Variants in SSBP2 observed in about 807,000 individuals in gnomAD.
SSBP2 encodes the protein single stranded DNA binding protein 2.
A neutral mutation model predicts 61.8 loss-of-function variants in SSBP2; 17 were observed. The observed-to-expected ratio is 0.28, with a 90% CI of 0.19 to 0.41. The LOEUF (loss-of-function observed/expected upper bound fraction) is 0.41, where lower values mean the gene tolerates loss of function less well. Among genes scored for constraint, SSBP2 ranks in the 10% least tolerant of loss-of-function variants. The pLI is 1.00. For missense variants in SSBP2, 310 were observed against 458.7 expected (o/e 0.68, Z 2.96); for synonymous variants, 139 against 141.3 (o/e 0.98, Z 0.12).
Position 81,516,795 on chromosome 5 carries a change from A to G in SSBP2, c.283-3078T>C, listed in dbSNP as rs188871617. Among the ~76,000 whole-genome samples, 5 of 141,164 alleles carry G rather than the reference A, an allele frequency of 3.5e-5. No individual in the cohort carries two copies. In the East Asian group the frequency reaches 9.7e-4, roughly 27 times the overall value. 92.6% of individuals were successfully genotyped at this position (141,164 alleles called of 152,430 possible). A position where few individuals can be genotyped will look rare whatever the true frequency, so the allele number is the denominator to read the frequency against. On this transcript the variant is annotated intron_variant, in intron 4 of 16. Transcript: ENST00000320672. ...CAAGCTTTGAAACTGTAAGGTAAAT[A>G]AGAAGTTTTTGGAATTAGAAATTTA...
chr5:81,712,907 T>G (rs1343064406), intron 1 of SSBP2, among the ~76,000 whole-genome samples: 1 of 151,752 alleles, frequency 6.6e-6, no homozygotes, highest in East Asian at 1.9e-4. Flanking sequence ...TTGTATTTTT[T>G]TGTAGAGACG....
In SSBP2 at chr5:81,420,468, C is replaced by G. The variant is rs374398821; in HGVS notation, c.*36G>C. The G allele has an allele frequency of 6.2e-7, 1 of 1,603,230 alleles. No homozygotes were observed. The highest frequency in any genetic ancestry group is 8.5e-7 in the Non-Finnish European group (1 of 1,170,300). The stretch of plus-strand genomic sequence containing the variant: ...CCGTAGTAGTTCTGTGAAGGGCTGA[C>G]TCACTGTGGTTTTCATGAGGAGACT... On this transcript the variant is annotated 3_prime_UTR_variant, in exon 17 of 17. Transcript: ENST00000320672.
In SSBP2 at chr5:81,501,268, T is replaced by TACACAC. The variant is rs34805388; in HGVS notation, c.373-11965_373-11960dup. On this transcript the variant is annotated intron_variant, in intron 5 of 16. Coordinates refer to ENST00000320672, the MANE Select transcript of SSBP2 (RefSeq NM_012446.5). ...ATATATATATATATATATATATATA[T>TACACAC]ACACACACACACACATGCACATACA... 1.9e-3 allele frequency among the ~76,000 whole-genome samples: 68 copies of TACACAC among 35,760 alleles called. 3 individuals carry two copies. Among genetic ancestry groups the TACACAC allele is most frequent in the East Asian group, 6.4e-3 (10 of 1,572 alleles). The allele number at this position is 35,760 out of a possible 152,430, so 23.5% of individuals were successfully genotyped here.
In SSBP2 at chr5:81,458,017, TA is replaced by T. The variant is rs573787269; in HGVS notation, c.687+3037del. 1.1e-4 allele frequency among the ~76,000 whole-genome samples: 16 copies of T among 152,244 alleles called. No individual in the cohort carries two copies. The South Asian group carries it at 3.3e-3, about 32-fold the overall frequency. On this transcript the variant is annotated intron_variant, in intron 10 of 16. Transcript: ENST00000320672. The stretch of plus-strand genomic sequence containing the variant: ...CTGACAAATATATATAACCTAAATC[TA>T]ATCAGAAGGAAATAGATAAAACCAA...
At chr5:81,593,461 C>T (rs1743342704) in intron 4 of SSBP2, among the ~76,000 whole-genome samples, 1 of 152,068 alleles carries the variant, frequency 6.6e-6, no homozygotes, top group South Asian at 2.1e-4. Flanking sequence ...CCAAGGCAGG[C>T]CAACATTCAA....
At chr5:81,463,981 C>A (rs1179932318) in intron 9 of SSBP2, among the ~76,000 whole-genome samples, 1 of 151,944 alleles carries the variant, frequency 6.6e-6, no homozygotes, top group Admixed American at 6.6e-5. Flanking sequence ...GTTGCCCAGG[C>A]TGGTCTCAAA....
intron 4 of SSBP2, among the ~76,000 whole-genome samples, chr5:81,598,461 A>G (rs957926238): frequency 6.6e-6 from 1 of 152,220 alleles, no homozygotes; most frequent in Non-Finnish European, 1.5e-5. Context: ...CTGTCTGAAT[A>G]TCTGGACCAA....
chr5:81,552,630 T>C (rs1261785088), intron 4 of SSBP2, among the ~76,000 whole-genome samples: 1 of 140,098 alleles, frequency 7.1e-6, no homozygotes, highest in African/African-American at 2.7e-5. Flanking sequence ...AGAGCAAGAC[T>C]ATGTCTCTTA....
chr5:81,475,249 A>G (rs1265996219), intron 6 of SSBP2, among the ~76,000 whole-genome samples: 2 of 152,188 alleles, frequency 1.3e-5, no homozygotes, highest in Non-Finnish European at 2.9e-5. Context: ...AAGCATACAC[A>G]TATACATAAA....
chr5:81,555,144 C>T (rs1449395749), intron 4 of SSBP2, among the ~76,000 whole-genome samples: 2 of 152,132 alleles, frequency 1.3e-5, no homozygotes, highest in East Asian at 3.9e-4. Context: ...TCTTACAAAA[C>T]AAGGTCCTCC....
At chr5:81,599,728 T>A (rs1265397163) in intron 4 of SSBP2, among the ~76,000 whole-genome samples, 1 of 152,224 alleles carries the variant, frequency 6.6e-6, no homozygotes, top group African/African-American at 2.4e-5. Context: ...TCATTAAATA[T>A]GTATCGAGGG....
chr5:81,491,769 C>T (rs539944264), intron 5 of SSBP2, among the ~76,000 whole-genome samples: 7 of 152,046 alleles, frequency 4.6e-5, no homozygotes, highest in African/African-American at 1.4e-4. Context: ...ACAATTAAAG[C>T]ACAAAAAGAC....
rs141905270 is a variant in SSBP2, at chr5:81,721,662, A to G, written c.62+29319T>C. The stretch of plus-strand genomic sequence containing the variant: ...CCATGAAGCCTTTTCAAAAATTGGC[A>G]ATCAAAACCTTACTATCCTGTAGCA... On this transcript the variant is annotated intron_variant, in intron 1 of 16. Coordinates refer to ENST00000320672, the MANE Select transcript of SSBP2 (RefSeq NM_012446.5). 1.3e-4 allele frequency among the ~76,000 whole-genome samples: 20 copies of G among 152,244 alleles called. No homozygotes were observed. In the East Asian group the frequency reaches 3.9e-3, roughly 29 times the overall value.
At chr5:81,658,394 C>A (rs1289242553) in intron 1 of SSBP2, among the ~76,000 whole-genome samples, 4 of 152,044 alleles carry the variant, frequency 2.6e-5, no homozygotes, top group African/African-American at 9.7e-5. Context: ...TCCAATACCC[C>A]CACAGACACC....
At chr5:81,474,303 T>C (rs189773495) in intron 7 of SSBP2, among the ~76,000 whole-genome samples, 193 bp downstream of exon 7, 3 of 152,348 alleles carry the variant, frequency 2.0e-5, no homozygotes, top group Admixed American at 2.0e-4. Flanking sequence ...CTTTTTCTTA[T>C]GTTATCACTA....
rs192364119 is a variant in SSBP2, at chr5:81,507,475, A to G, written c.372+6153T>C. ...TATATCAAGATAAAAATCAAAATAC[A>G]TGATAAAAGAAAACAAAGGTCTATA... On this transcript the variant is annotated intron_variant, in intron 5 of 16. Coordinates refer to ENST00000320672, the MANE Select transcript of SSBP2 (RefSeq NM_012446.5). Among the ~76,000 whole-genome samples the G allele has an allele frequency of 6.9e-3, 1,048 of 152,278 alleles. 7 individuals are homozygous for G. Among genetic ancestry groups the G allele is most frequent in the Non-Finnish European group, 0.011 (736 of 67,984 alleles).
intron 1 of SSBP2, among the ~76,000 whole-genome samples, chr5:81,688,091 C>T (rs1752954983): frequency 6.6e-6 from 1 of 152,090 alleles, no homozygotes; most frequent in Admixed American, 6.5e-5. Flanking sequence ...CTGGACCTGT[C>T]CTGGCCCAGA....
intron 4 of SSBP2, among the ~76,000 whole-genome samples, chr5:81,559,237 A>T (rs1334081466): frequency 6.6e-6 from 1 of 152,064 alleles, no homozygotes; most frequent in Non-Finnish European, 1.5e-5. Flanking sequence ...AATACAAAAA[A>T]TCAGCCGGGC....
At chr5:81,656,878 A>G (rs112171096) in intron 1 of SSBP2, among the ~76,000 whole-genome samples, 163 of 152,304 alleles carry the variant, frequency 1.1e-3, no homozygotes, top group African/African-American at 3.5e-3. Context: ...GGAAAATAAC[A>G]TGGCAAAATG....
Sources: allele counts gnomAD v4.1 joint callset (sites outside exome capture counted in the v4.1 genomes callset), GRCh38; gene constraint gnomAD v4.1.1; transcripts MANE v1.5; gene names NCBI Gene and HGNC (gene_info 2026-07-23, HGNC 2026-07-21).